ANKRD26: variants seen among roughly 807,000 people sequenced by gnomAD.
ANKRD26 encodes ankyrin repeat domain 26.
In ANKRD26, 141 loss-of-function variants were observed where a neutral mutation model predicts 208.7. That is an observed-to-expected ratio of 0.68 (90% confidence interval 0.59 to 0.78). ANKRD26 has a LOEUF of 0.78. Ranked by LOEUF, ANKRD26 falls within the 30% of genes least tolerant of loss-of-function variation. The pLI, the probability that ANKRD26 is intolerant of heterozygous loss-of-function variation, is 0.00. For missense variants in ANKRD26, 1,889 were observed against 1,938.7 expected, an observed-to-expected ratio of 0.97 and a Z score of 0.48; for synonymous variants, 636 against 660.4, an observed-to-expected ratio of 0.96 and a Z score of 0.57.
chr10:27,046,397 C>G lies in ANKRD26; in HGVS notation c.1941G>C (p.Val647=). The G allele has an allele frequency of 6.2e-7, 1 of 1,614,060 alleles. No homozygotes were observed. Among genetic ancestry groups the G allele is most frequent in the South Asian group, 1.1e-5 (1 of 91,078 alleles). The change falls in exon 18 of 34, where the codon GTG becomes GTC. Residue 647 remains valine (V), a synonymous_variant. Transcript: ENST00000376087. The part of the protein sequence containing the change: ...ASLLTGGLLQ[V]DDDSSLSEID... ...TTTCACTTAAACTGCTGTCATCATC[C>G]ACTTGTAGCAGGCCACCAGTTAGTA... is the stretch of plus-strand genomic sequence containing the variant.
downstream of ANKRD26, among the ~76,000 whole-genome samples, chr10:26,999,669 T>G (rs2052675491): frequency 6.6e-6 from 1 of 152,098 alleles, no homozygotes. Context: ...CTTCACATGA[T>G]TCTCAGTCAC....
At chr10:27,075,117 C>T (rs868837537) in intron 9 of ANKRD26, among the ~76,000 whole-genome samples, 1 of 152,134 alleles carries the variant, frequency 6.6e-6, no homozygotes, top group South Asian at 2.1e-4. Context: ...AAGGTTGATA[C>T]ATAACAGAAT....
chr10:27,053,292 A>C (rs2054725453), intron 16 of ANKRD26, 28 bp downstream of exon 16: 3 of 1,532,118 alleles, frequency 2.0e-6, no homozygotes, highest in Non-Finnish European at 2.7e-6. Flanking sequence ...ACAATATTAA[A>C]CCAGAAATTT....
At chr10:27,029,060 T>C in intron 26 of ANKRD26, 115 bp from the exon 27 acceptor site, 1 of 1,060,944 alleles carries the variant, frequency 9.4e-7, no homozygotes, top group Non-Finnish European at 1.4e-6. Flanking sequence ...ATTTCAAAAG[T>C]AGGTGATTTG....
chr10:26,959,437 G>A, the ANKRD26 span, among the ~76,000 whole-genome samples: 2 of 152,152 alleles, frequency 1.3e-5, no homozygotes, highest in African/African-American at 4.8e-5. Flanking sequence ...CTCATCTTAG[G>A]ATGGGGAAAT....
chr10:26,991,570 G>A (rs1474506873), downstream of ANKRD26, among the ~76,000 whole-genome samples: 1 of 152,046 alleles, frequency 6.6e-6, no homozygotes, highest in Non-Finnish European at 1.5e-5. Context: ...AGCCTCCCGA[G>A]TAGCTGAGAT....
rs61378633 is a variant in ANKRD26, at chr10:27,071,844, T to C, written c.1078-4558A>G. Among the ~76,000 whole-genome samples, 382 of 152,124 alleles carry C rather than the reference T, an allele frequency of 2.5e-3. 2 individuals are homozygous for C. The highest frequency in any genetic ancestry group is 8.7e-3 in the African/African-American group (362 of 41,508). On this transcript the variant is annotated intron_variant, in intron 9 of 33. Coordinates refer to ENST00000376087, the MANE Select transcript of ANKRD26 (RefSeq NM_014915.3). ...TCCCCCCGCGCTGGAGCTGACTGAG[T>C]GAGCAGTGGGGGCACACAAGAAAAA... is the stretch of plus-strand genomic sequence containing the variant.
chr10:27,076,261 T>G (rs113163303), intron 9 of ANKRD26, among the ~76,000 whole-genome samples: 14,201 of 145,250 alleles, frequency 0.098, 779 homozygotes, highest in East Asian at 0.29. Context: ...TTTTTGTTTG[T>G]TTGGTTTTTT....
chr10:26,981,717 G>A (rs1046333578), intron 4 of ANKRD26, among the ~76,000 whole-genome samples: 1 of 152,164 alleles, frequency 6.6e-6, no homozygotes, highest in Admixed American at 6.5e-5. Context: ...CCAACTTAGA[G>A]GCCTTGTTCC....
chr10:27,053,489 A>C, intron 15 of ANKRD26, 99 bp from the exon 16 acceptor site: 5 of 854,590 alleles, frequency 5.9e-6, no homozygotes, highest in Non-Finnish European at 8.8e-6. Flanking sequence ...ATTTTATTTT[A>C]TAAATCGAGA....
At chr10:26,970,983 C>T (rs886818454), downstream of ANKRD26, among the ~76,000 whole-genome samples, 17 of 152,188 alleles carry the variant, frequency 1.1e-4, no homozygotes, top group African/African-American at 4.1e-4. Flanking sequence ...AATTTTAGGT[C>T]TACCCAGGAT....
chr10:27,042,699 G>A (rs932139488), intron 20 of ANKRD26, among the ~76,000 whole-genome samples: 1 of 151,664 alleles, frequency 6.6e-6, no homozygotes, highest in East Asian at 1.9e-4. Flanking sequence ...CTTGCAGTGA[G>A]CGGAGATCGC....
intron 16 of ANKRD26, among the ~76,000 whole-genome samples, chr10:27,052,644 T>A (rs2054701902): frequency 6.6e-6 from 1 of 152,134 alleles, no homozygotes; most frequent in African/African-American, 2.4e-5. Flanking sequence ...TTCTTAAATA[T>A]CCTAAGGTTC....
chr10:26,974,439 C>T (rs1248679878), exon 6 of ANKRD26, among the ~76,000 whole-genome samples: 1 of 151,512 alleles, frequency 6.6e-6, no homozygotes. Flanking sequence ...CTCCCGGGTT[C>T]ACACCATTCT....
exon 6 of ANKRD26, among the ~76,000 whole-genome samples, chr10:26,974,686 T>A (rs564729407): frequency 1.8e-4 from 28 of 152,322 alleles, no homozygotes; most frequent in African/African-American, 4.6e-4. Flanking sequence ...TCTTTAGACA[T>A]TACTTTAGTC....
chr10:27,035,701 A>T lies in ANKRD26; in HGVS notation c.2749T>A (p.Leu917Met), dbSNP rs2054020511. ...EKDLSHKNSM[L>M]QEEIAMLRLE... ...CTTAGCATAGCAATTTCTTCCTGCA[A>T]CATGCTATTTTTATGCGATAGGTCT... The change falls in exon 24 of 34, where the codon TTG becomes ATG. Residue 917 changes from leucine (L) to methionine (M), a missense_variant. Leu to Met is a conservative substitution (Grantham distance 15, BLOSUM62 2). Coordinates refer to ENST00000376087, the MANE Select transcript of ANKRD26 (RefSeq NM_014915.3). 2 of 1,604,592 alleles carry T rather than the reference A, an allele frequency of 1.2e-6. No homozygotes were observed. Among genetic ancestry groups the T allele is most frequent in the East Asian group, 4.5e-5 (2 of 44,768 alleles).
the ANKRD26 span, among the ~76,000 whole-genome samples, chr10:26,948,357 C>T: frequency 6.6e-6 from 1 of 152,206 alleles, no homozygotes; most frequent in African/African-American, 2.4e-5. Context: ...TTTCGAGAAG[C>T]ATTCAATAGC....
chr10:27,006,364 C>G (rs1298703051), intron 33 of ANKRD26, among the ~76,000 whole-genome samples: 1 of 152,180 alleles, frequency 6.6e-6, no homozygotes, highest in Non-Finnish European at 1.5e-5. Context: ...AATAACGTCA[C>G]AAGGACCACA....
rs1262580934 is a variant in ANKRD26 at position 27,004,330 on chromosome 10, TAAC to T, written c.*1257_*1259del. On this transcript the variant is annotated 3_prime_UTR_variant, in exon 34 of 34. Coordinates refer to ENST00000376087, the MANE Select transcript of ANKRD26 (RefSeq NM_014915.3). ...TCTTAAAAGAAAAACAAATTTTTAA[TAAC>T]AATATTAATGAATTATAACTCACTG... 6.6e-6 allele frequency: 1 copy of T among 151,758 alleles called. No homozygotes were observed. Among genetic ancestry groups the T allele is most frequent in the African/African-American group, 2.4e-5 (1 of 41,386 alleles). 9.4% of individuals were successfully genotyped at this position (151,758 alleles called of 1,614,324 possible).
Sources: gnomAD v4.1 joint callset for allele counts (sites outside exome capture counted in the v4.1 genomes callset) on GRCh38, gnomAD v4.1.1 for gene constraint, MANE v1.5 for transcripts, NCBI Gene and HGNC (gene_info 2026-07-23, HGNC 2026-07-21) for gene names.